The following AJAP1 variants were observed in gnomAD, a reference collection of about 807,000 sequenced individuals.
AJAP1 encodes adherens junctions associated protein 1, also known as adherens junction-associated protein 1.
In AJAP1, 5 loss-of-function variants were observed where a neutral mutation model predicts 35.0. That is an observed-to-expected ratio of 0.14 (90% CI 0.07 to 0.30). The LOEUF is 0.30. Among genes scored for constraint, AJAP1 ranks in the 10% least tolerant of loss-of-function variants. The probability of loss-of-function intolerance (pLI) is 1.00; values close to 1 mark genes in which losing one functional copy is unlikely to be tolerated. For synonymous variants in AJAP1, 284 were observed against 249.3 expected, an observed-to-expected ratio of 1.14 and a Z score of -1.31; for missense variants, 586 against 571.0, an observed-to-expected ratio of 1.03 and a Z score of -0.27.
In AJAP1 at chr1:4,712,323, C is replaced by T; in HGVS notation, c.453C>T (p.Leu151=). 6.7e-7 allele frequency: 1 copy of T among 1,493,532 alleles called. No homozygotes were observed. The highest frequency in any genetic ancestry group is 8.9e-7 in the Non-Finnish European group (1 of 1,120,546). The allele number at this position is 1,493,532 out of a possible 1,614,324, so 92.5% of individuals were successfully genotyped here. ...GTGGGGCCCCGGAGCAGCAGGCCCT[C>T]CTGAGGAGGGGCAAGAGGCACCTGC... ...VAGGAPEQQA[L]LRRGKRHLQG... Residue 151 remains leucine (L), a synonymous_variant, in exon 2 of 6, where the codon CTC becomes CTT. Coordinates refer to ENST00000378191, the MANE Select transcript of AJAP1 (RefSeq NM_018836.4).
chr1:4,699,127 A>G (rs1206889104), intron 1 of AJAP1, among the ~76,000 whole-genome samples: 3 of 152,146 alleles, frequency 2.0e-5, no homozygotes, highest in Non-Finnish European at 4.4e-5. Context: ...GGGCCCAGTG[A>G]GGTGAAGGGG....
rs1642086691 is a variant in AJAP1 at position 4,782,592 on chromosome 1, A to C, written c.*107A>C. On this transcript the variant is annotated 3_prime_UTR_variant, in exon 6 of 6. Coordinates refer to ENST00000378191, the MANE Select transcript of AJAP1 (RefSeq NM_018836.4). This position sits in a 1 kb window ranked among gnomAD's most constrained non-coding sequence, Gnocchi z 5.3. The stretch of plus-strand genomic sequence containing the variant: ...AAACAAAACAAACAAAACAAAACAA[A>C]AAAGACAAAACCTAAAACTGAGCTA... 1 of 396,560 alleles carries C rather than the reference A, an allele frequency of 2.5e-6. No individual in the cohort carries two copies. The highest frequency in any genetic ancestry group is 4.4e-6 in the Non-Finnish European group (1 of 225,382). 24.6% of individuals were successfully genotyped at this position (396,560 alleles called of 1,614,324 possible).
intron 4 of AJAP1, among the ~76,000 whole-genome samples, chr1:4,773,901 G>C (rs1397208768): frequency 1.3e-5 from 2 of 152,192 alleles, no homozygotes; most frequent in Non-Finnish European, 2.9e-5. Flanking sequence ...GTGCTCTCGT[G>C]CCCTGGCATG....
intron 2 of AJAP1, among the ~76,000 whole-genome samples, chr1:4,768,093 T>C (rs1641730071): frequency 6.6e-6 from 1 of 151,926 alleles, no homozygotes; most frequent in Admixed American, 6.6e-5. Context: ...TGCCCAGAGG[T>C]TTACAGCAGG....
intron 1 of AJAP1, among the ~76,000 whole-genome samples, chr1:4,683,954 A>G (rs947006050): frequency 5.3e-5 from 8 of 152,158 alleles, no homozygotes; most frequent in Non-Finnish European, 1.2e-4. Context: ...GTAGGCATTC[A>G]TAAGACACAG....
Position 4,791,336 on chromosome 1 carries a change from CAAAAG to C in AJAP1, c.*8852_*8856del, listed in dbSNP as rs1211581698. 1 of 152,186 alleles carries C rather than the reference CAAAAG, an allele frequency of 6.6e-6. No homozygotes were observed. The highest frequency in any genetic ancestry group is 1.5e-5 in the Non-Finnish European group (1 of 68,040). The allele number at this position is 152,186 out of a possible 1,614,324, so 9.4% of individuals were successfully genotyped here. A position where few individuals can be genotyped will look rare whatever the true frequency, so the allele number is the denominator to read the frequency against. ...TTTAGAGTCTGTTACATTATTTTCT[CAAAAG>C]GAACACATGTTTACTACAAACCATT... On this transcript the variant is annotated 3_prime_UTR_variant, in exon 6 of 6. Transcript: ENST00000378191.
intron 2 of AJAP1, among the ~76,000 whole-genome samples, chr1:4,745,230 C>T (rs557197346): frequency 2.9e-4 from 44 of 152,268 alleles, no homozygotes; most frequent in African/African-American, 7.5e-4. Context: ...GAGTCTAGGG[C>T]GACAATTTCC....
chr1:4,738,495 G>T (rs538725853), intron 2 of AJAP1, among the ~76,000 whole-genome samples: 26 of 152,360 alleles, frequency 1.7e-4, no homozygotes, highest in African/African-American at 6.0e-4. Flanking sequence ...CAGCCCTAGG[G>T]CAGGAGTGGA....
chr1:4,752,474 G>T (rs532847654), intron 2 of AJAP1, among the ~76,000 whole-genome samples: 6 of 152,146 alleles, frequency 3.9e-5, no homozygotes, highest in Non-Finnish European at 5.9e-5. Context: ...AGCCCCATTC[G>T]CAATCTTACG....
At chr1:4,716,968 G>A (rs894681594) in intron 2 of AJAP1, among the ~76,000 whole-genome samples, 5 of 152,202 alleles carry the variant, frequency 3.3e-5, no homozygotes, top group African/African-American at 9.6e-5. Context: ...GGTTCACAGA[G>A]GCATTGAGCT....
At chr1:4,711,718 T>TGA (rs1014942240) in intron 1 of AJAP1, among the ~76,000 whole-genome samples, 182 bp from the exon 2 acceptor site, 4 of 152,082 alleles carry the variant, frequency 2.6e-5, no homozygotes, top group African/African-American at 4.8e-5. Flanking sequence ...TTCTTGCACG[T>TGA]GAGTGAGCCT....
intron 2 of AJAP1, among the ~76,000 whole-genome samples, chr1:4,726,799 G>A (rs563972394): frequency 1.1e-4 from 17 of 152,250 alleles, no homozygotes; most frequent in East Asian, 3.9e-4. Context: ...TTGCACGGCC[G>A]GCTGCTGAGC....
intron 1 of AJAP1, among the ~76,000 whole-genome samples, chr1:4,710,464 C>T (rs1640205889): frequency 1.8e-5 from 1 of 55,172 alleles, no homozygotes; most frequent in African/African-American, 1.0e-4. Flanking sequence ...CACACGTACA[C>T]ACTCACATAC....
At chr1:4,706,751 G>A (rs753428369) in intron 1 of AJAP1, among the ~76,000 whole-genome samples, 3 of 152,138 alleles carry the variant, frequency 2.0e-5, no homozygotes, top group Non-Finnish European at 4.4e-5. Context: ...TTAATTGACA[G>A]TGATTTTCTT....
chr1:4,755,737 G>A (rs567774956), intron 2 of AJAP1, among the ~76,000 whole-genome samples: 5 of 152,258 alleles, frequency 3.3e-5, no homozygotes, highest in South Asian at 4.1e-4. Flanking sequence ...GTGGGATTTC[G>A]CAATGGGGGA....
intron 2 of AJAP1, among the ~76,000 whole-genome samples, chr1:4,733,831 A>G (rs758135549): frequency 6.6e-6 from 1 of 152,030 alleles, no homozygotes; most frequent in Non-Finnish European, 1.5e-5. Flanking sequence ...TGAGCTGCCC[A>G]CACGCCGTCG....
chr1:4,755,538 A>G (rs920742293), intron 2 of AJAP1, among the ~76,000 whole-genome samples: 4 of 149,420 alleles, frequency 2.7e-5, no homozygotes, highest in African/African-American at 9.9e-5. Context: ...AGCTGCCCCC[A>G]CCCCCACCCC....
intron 1 of AJAP1, among the ~76,000 whole-genome samples, chr1:4,676,027 C>T (rs1443765517): frequency 1.3e-5 from 2 of 152,216 alleles, no homozygotes; most frequent in Non-Finnish European, 2.9e-5. Context: ...GCTCTGTGTC[C>T]TCGTGCAGGG....
chr1:4,778,558 C>G (rs1314809018), intron 5 of AJAP1, among the ~76,000 whole-genome samples: 3 of 147,778 alleles, frequency 2.0e-5, no homozygotes, highest in Non-Finnish European at 1.5e-5. Context: ...ATTCAAGGTG[C>G]AGGATTGGCG....
Sources: allele counts gnomAD v4.1 joint callset (sites outside exome capture counted in the v4.1 genomes callset), GRCh38; gene constraint gnomAD v4.1.1; non-coding constraint Gnocchi (gnomAD v3.1); transcripts MANE v1.5; gene names NCBI Gene and HGNC (gene_info 2026-07-23, HGNC 2026-07-21).